ATF7IP2: variants seen among roughly 807,000 people sequenced by gnomAD.
ATF7IP2 encodes activating transcription factor 7-interacting protein 2.
ATF7IP2 carries 42 observed loss-of-function variants against 64.2 expected under a neutral mutation model. That is an observed-to-expected ratio of 0.65 (90% CI 0.51 to 0.85). ATF7IP2 has a LOEUF of 0.85. ATF7IP2 is among the 40% of genes least tolerant of loss of function. The pLI is 0.00. For missense variants in ATF7IP2, 933 were observed against 784.2 expected, an observed-to-expected ratio of 1.19 and a Z score of -2.27; for synonymous variants, 308 against 272.8, an observed-to-expected ratio of 1.13 and a Z score of -1.27.
In ATF7IP2 at chr16:10,431,330, A is replaced by G; in HGVS notation, c.710A>G (p.Asn237Ser). The change falls in exon 5 of 14, where the codon AAT becomes AGT. Residue 237 changes from asparagine (N) to serine (S), a missense_variant. Asn to Ser is a conservative substitution (Grantham distance 46, BLOSUM62 1). Coordinates refer to ENST00000562102, the MANE Select transcript of ATF7IP2 (RefSeq NM_001393719.1). ...VPVEKTPNLV[N>S]SVTSNNCADD... ...GTTGAGAAAACACCTAATTTGGTGAATTCAGTCACTTCTAACAACTGTGCT... is the reference window on the plus strand; with the variant it reads ...GTTGAGAAAACACCTAATTTGGTGAGTTCAGTCACTTCTAACAACTGTGCT... 6.2e-7 allele frequency: 1 copy of G among 1,614,216 alleles called. No individual in the cohort carries two copies. The highest frequency in any genetic ancestry group is 8.5e-7 in the Non-Finnish European group (1 of 1,180,006).
intron 1 of ATF7IP2, among the ~76,000 whole-genome samples, chr16:10,409,852 T>C (rs2047717920): frequency 1.3e-5 from 2 of 152,248 alleles, no homozygotes; most frequent in Non-Finnish European, 2.9e-5. Flanking sequence ...CCCCACTTTA[T>C]GTTTTTGTTT....
At chr16:10,476,144 A>G (rs1474277591) in intron 12 of ATF7IP2, among the ~76,000 whole-genome samples, 2 of 152,234 alleles carry the variant, frequency 1.3e-5, no homozygotes, top group East Asian at 3.8e-4. Context: ...GTAGATTATA[A>G]TTGTACAAAT....
intron 3 of ATF7IP2, among the ~76,000 whole-genome samples, chr16:10,421,380 C>A (rs887880103): frequency 2.6e-5 from 4 of 152,154 alleles, no homozygotes; most frequent in African/African-American, 9.7e-5. Context: ...GCCTCCACCT[C>A]CTTTGTTAAT....
chr16:10,452,362 G>C (rs1464555162), intron 8 of ATF7IP2, among the ~76,000 whole-genome samples: 1 of 152,118 alleles, frequency 6.6e-6, no homozygotes, highest in African/African-American at 2.4e-5. Flanking sequence ...TTACTCTTCT[G>C]TCAGGCCCCT....
rs568486230 is a variant in ATF7IP2, at chr16:10,431,383, A to G, written c.763A>G (p.Ser255Gly). ...TGACATTTTGAAAACTGATGAGTGT[A>G]GTAGAACCAGTATTTCAAATTGTGA... Reference protein sequence around the residue: ...ADDILKTDECSRTSISNCESA... With the variant: ...ADDILKTDECGRTSISNCESA... The change falls in exon 5 of 14, where the codon AGT becomes GGT. Residue 255 changes from serine to glycine, a missense_variant. Coordinates refer to ENST00000562102, the MANE Select transcript of ATF7IP2 (RefSeq NM_001393719.1). The G allele has an allele frequency of 1.7e-5, 28 of 1,613,054 alleles. No homozygotes were observed. The highest frequency in any genetic ancestry group is 2.3e-5 in the Non-Finnish European group (27 of 1,179,268).
chr16:10,462,235 A>G (rs1323700362), intron 9 of ATF7IP2, among the ~76,000 whole-genome samples: 2 of 152,114 alleles, frequency 1.3e-5, no homozygotes, highest in Non-Finnish European at 2.9e-5. Context: ...TAAGTCCTAG[A>G]GGATGACTAC....
chr16:10,391,978 A>C (rs2047335306), intron 1 of ATF7IP2, among the ~76,000 whole-genome samples: 1 of 152,016 alleles, frequency 6.6e-6, no homozygotes, highest in African/African-American at 2.4e-5. Flanking sequence ...TGTGTTGACA[A>C]ATTTTAAATT....
At chr16:10,386,892 C>T (rs867916493) in intron 1 of ATF7IP2, 3 of 152,184 alleles carry the variant, frequency 2.0e-5, no homozygotes, top group Admixed American at 6.5e-5. Context: ...CCTTACCGCA[C>T]TTAAGGAAAC....
At chr16:10,468,863 G>A (rs376215120) in intron 9 of ATF7IP2, among the ~76,000 whole-genome samples, 1 of 152,150 alleles carries the variant, frequency 6.6e-6, no homozygotes, top group South Asian at 2.1e-4. Context: ...TGGCTAAAAT[G>A]AAGAAAATTT....
intron 6 of ATF7IP2, among the ~76,000 whole-genome samples, chr16:10,437,651 C>G (rs2048466758): frequency 6.6e-6 from 1 of 152,154 alleles, no homozygotes; most frequent in South Asian, 2.1e-4. Context: ...AATGTCAAGT[C>G]TCACACTTGT....
At chr16:10,456,189 A>G (rs1386822701) in intron 8 of ATF7IP2, among the ~76,000 whole-genome samples, 1 of 151,730 alleles carries the variant, frequency 6.6e-6, no homozygotes, top group African/African-American at 2.4e-5. Context: ...TCTTTTCACA[A>G]TGTGAGAAAA....
intron 1 of ATF7IP2, among the ~76,000 whole-genome samples, chr16:10,398,872 G>A (rs1474180908): frequency 1.3e-5 from 2 of 152,202 alleles, no homozygotes; most frequent in East Asian, 3.8e-4. Flanking sequence ...CCACCACTTT[G>A]GGAGGCCGAG....
chr16:10,402,488 G>A (rs1296500257), intron 1 of ATF7IP2, among the ~76,000 whole-genome samples: 1 of 152,052 alleles, frequency 6.6e-6, no homozygotes, highest in Non-Finnish European at 1.5e-5. Flanking sequence ...TTTGAGACAA[G>A]GTCTTACTCT....
intron 8 of ATF7IP2, among the ~76,000 whole-genome samples, chr16:10,441,869 G>C (rs1161687552): frequency 2.6e-5 from 4 of 152,134 alleles, no homozygotes; most frequent in Non-Finnish European, 1.5e-5. Context: ...AGAGCTGGGA[G>C]TCACAAAGAA....
intron 9 of ATF7IP2, among the ~76,000 whole-genome samples, chr16:10,467,017 A>T (rs760535037): frequency 1.3e-5 from 2 of 151,794 alleles, no homozygotes; most frequent in Non-Finnish European, 2.9e-5. Context: ...GCTGTAAGTG[A>T]TATCTTGCCA....
intron 9 of ATF7IP2, 87 bp downstream of exon 9, chr16:10,457,616 T>G: frequency 1.0e-6 from 1 of 987,294 alleles, no homozygotes; most frequent in Non-Finnish European, 1.5e-6. Flanking sequence ...CTTTGTAATA[T>G]TGATTATTCT....
chr16:10,446,089 T>G (rs1260031554), intron 8 of ATF7IP2: 1 of 152,252 alleles, frequency 6.6e-6, no homozygotes, highest in Non-Finnish European at 1.5e-5. Context: ...CCCCATTGAT[T>G]GACTACTGAG....
At chr16:10,459,294 C>G (rs988170531) in intron 9 of ATF7IP2, among the ~76,000 whole-genome samples, 2 of 151,980 alleles carry the variant, frequency 1.3e-5, no homozygotes, top group Non-Finnish European at 2.9e-5. Flanking sequence ...TGGTGAAACG[C>G]CGTCTCTACT....
At chr16:10,431,534 C>G in intron 5 of ATF7IP2, 79 bp downstream of exon 5, 3 of 954,106 alleles carry the variant, frequency 3.1e-6, no homozygotes, top group Non-Finnish European at 3.1e-6. Flanking sequence ...CTCAAATATA[C>G]AAACCAGTAT....
Sources: allele counts gnomAD v4.1 joint callset (sites outside exome capture counted in the v4.1 genomes callset), GRCh38; gene constraint gnomAD v4.1.1; transcripts MANE v1.5; gene names NCBI Gene and HGNC (gene_info 2026-07-23, HGNC 2026-07-21).